RBMS1: variants seen among roughly 807,000 people sequenced by gnomAD.
The protein encoded by RBMS1 is RNA-binding motif, single-stranded-interacting protein 1.
RBMS1 carries 17 observed loss-of-function variants against 62.3 expected under a neutral mutation model. The ratio of observed to expected loss-of-function variants is 0.27; its 90% CI spans 0.19 to 0.41. The LOEUF (loss-of-function observed/expected upper bound fraction) is 0.41, where lower values mean the gene tolerates loss of function less well. RBMS1 is among the 10% of genes least tolerant of loss of function. The probability of loss-of-function intolerance (pLI) is 1.00; values close to 1 mark genes in which losing one functional copy is unlikely to be tolerated. For missense variants in RBMS1, 334 were observed against 504.5 expected (o/e 0.66, Z 3.24); for synonymous variants, 172 against 170.0 (o/e 1.01, Z -0.09).
chr2:160,417,135 G>A (rs1050859465), intron 1 of RBMS1, among the ~76,000 whole-genome samples: 5 of 151,962 alleles, frequency 3.3e-5, no homozygotes, highest in Admixed American at 1.3e-4. Context: ...GTTTTCTTGC[G>A]CGTGCACACA....
intron 4 of RBMS1, among the ~76,000 whole-genome samples, chr2:160,309,694 A>C (rs898082479): frequency 3.3e-5 from 5 of 152,314 alleles, no homozygotes; most frequent in African/African-American, 1.2e-4. Flanking sequence ...ATTCCATGAG[A>C]GAAAACATCA....
intron 2 of RBMS1, among the ~76,000 whole-genome samples, chr2:160,346,345 G>A (rs1692172556): frequency 6.6e-6 from 1 of 152,116 alleles, no homozygotes; most frequent in South Asian, 2.1e-4. Context: ...TGCTGCATGG[G>A]GCCCTGGGGC....
In RBMS1 at chr2:160,394,104, C is replaced by A. The variant is rs190947804; in HGVS notation, c.76-26713G>T. On this transcript the variant is annotated intron_variant, in intron 1 of 13. Transcript: ENST00000348849. ...ACAGTTGGTGAGGGAGACCGACAGA[C>A]TTCCACCCACTTTTCGTTGGACTAT... 5.9e-5 allele frequency among the ~76,000 whole-genome samples: 9 copies of A among 152,336 alleles called. 1 individual carries two copies. In the East Asian group the frequency reaches 1.7e-3, roughly 29 times the overall value.
chr2:160,310,883 A>C (rs1165409209), intron 4 of RBMS1, among the ~76,000 whole-genome samples: 1 of 152,130 alleles, frequency 6.6e-6, no homozygotes, highest in South Asian at 2.1e-4. Context: ...CGATGGACAA[A>C]TAATCTGAAA....
chr2:160,420,664 T>C (rs1455869325), intron 1 of RBMS1, among the ~76,000 whole-genome samples: 2 of 152,304 alleles, frequency 1.3e-5, no homozygotes, highest in Admixed American at 6.5e-5. Flanking sequence ...CTGAGGATTA[T>C]GATATATTCC....
intron 1 of RBMS1, among the ~76,000 whole-genome samples, chr2:160,426,787 A>T (rs1411046377): frequency 6.6e-6 from 1 of 152,168 alleles, no homozygotes; most frequent in Admixed American, 6.5e-5. Flanking sequence ...GGTGACTTCT[A>T]AACAACCTAG....
intron 2 of RBMS1, among the ~76,000 whole-genome samples, chr2:160,360,129 C>CTG (rs1693042980): frequency 6.6e-6 from 1 of 152,032 alleles, no homozygotes; most frequent in Non-Finnish European, 1.5e-5. Context: ...CTAGTGGTTT[C>CTG]AGAAAAGCAA....
In RBMS1 at chr2:160,407,847, G is replaced by A. The variant is rs867238753; in HGVS notation, c.76-40456C>T. The A allele has an allele frequency of 1.1e-5, 11 of 981,270 alleles. No individual in the cohort carries two copies. In the Middle Eastern group the frequency reaches 1.6e-3, roughly 138 times the overall value. 60.8% of individuals were successfully genotyped at this position (981,270 alleles called of 1,614,324 possible). On this transcript the variant is annotated intron_variant, in intron 1 of 13. Transcript: ENST00000348849. ...GGCGGCGTCGCCGACTCTCCCGGCG[G>A]CAGCGGAGGAGCAGCGCCGCCGCGT...
At chr2:160,393,169 C>T (rs962891846) in intron 1 of RBMS1, among the ~76,000 whole-genome samples, 2 of 152,110 alleles carry the variant, frequency 1.3e-5, no homozygotes, top group Non-Finnish European at 2.9e-5. Flanking sequence ...CCATTGAGAA[C>T]TCTGTTTCTA....
intron 9 of RBMS1, chr2:160,282,182 C>G (rs762192094): frequency 2.4e-6 from 3 of 1,250,702 alleles, no homozygotes; most frequent in Non-Finnish European, 3.3e-6. Flanking sequence ...CATTTTATCC[C>G]CTATTGTTAA....
intron 1 of RBMS1, among the ~76,000 whole-genome samples, chr2:160,406,356 C>T (rs1695706984): frequency 6.6e-6 from 1 of 152,206 alleles, no homozygotes; most frequent in Admixed American, 6.5e-5. Flanking sequence ...AATCAATAAT[C>T]CTGTAAATAC....
chr2:160,343,407 C>T (rs1455796959), intron 2 of RBMS1, among the ~76,000 whole-genome samples: 1 of 152,144 alleles, frequency 6.6e-6, no homozygotes, highest in African/African-American at 2.4e-5. Flanking sequence ...CCACATTTTG[C>T]TGTCTTATTG....
chr2:160,466,921 A>C (rs1419703728), intron 1 of RBMS1, among the ~76,000 whole-genome samples: 1 of 152,186 alleles, frequency 6.6e-6, no homozygotes, highest in Non-Finnish European at 1.5e-5. Context: ...GTAAAATGGG[A>C]TGATAATAAT....
At chr2:160,304,559 T>C (rs1284856052) in intron 4 of RBMS1, among the ~76,000 whole-genome samples, 1 of 152,180 alleles carries the variant, frequency 6.6e-6, no homozygotes, top group Non-Finnish European at 1.5e-5. Context: ...GGTCCTGTAA[T>C]AGAGATGAAA....
chr2:160,434,435 T>C (rs1174943718), intron 1 of RBMS1, among the ~76,000 whole-genome samples: 3 of 151,730 alleles, frequency 2.0e-5, no homozygotes, highest in Non-Finnish European at 4.4e-5. Context: ...TCCCCCCACA[T>C]TGCTCACCCA....
chr2:160,395,857 C>A (rs1695111553), intron 1 of RBMS1, among the ~76,000 whole-genome samples: 1 of 152,132 alleles, frequency 6.6e-6, no homozygotes, highest in Non-Finnish European at 1.5e-5. Flanking sequence ...ACAGAATGAT[C>A]ACAATTTTCT....
At chr2:160,305,581 T>A (rs116525408) in intron 4 of RBMS1, among the ~76,000 whole-genome samples, 1,849 of 152,090 alleles carry the variant, frequency 0.012, 38 homozygotes, top group African/African-American at 0.043. Flanking sequence ...CCAGAATATA[T>A]CCCCGTCATT....
At chr2:160,328,216 CAT>C (rs767452829) in intron 2 of RBMS1, among the ~76,000 whole-genome samples, 2 of 152,172 alleles carry the variant, frequency 1.3e-5, no homozygotes, top group Non-Finnish European at 2.9e-5. Context: ...TGGTGCCTGA[CAT>C]ATAATGAATA....
At chr2:160,348,978 G>A (rs1399109198) in intron 2 of RBMS1, among the ~76,000 whole-genome samples, 2 of 152,076 alleles carry the variant, frequency 1.3e-5, no homozygotes, top group East Asian at 1.9e-4. Context: ...AAACAAGCAA[G>A]GTTCCAGGAC....
Sources: allele counts gnomAD v4.1 joint callset (sites outside exome capture counted in the v4.1 genomes callset), GRCh38; gene constraint gnomAD v4.1.1; transcripts MANE v1.5; gene names NCBI Gene and HGNC (gene_info 2026-07-23, HGNC 2026-07-21).